Variants in SUSD4 observed in about 807,000 individuals in gnomAD.
The protein encoded by SUSD4 is sushi domain-containing protein 4.
A neutral mutation model predicts 50.5 loss-of-function variants in SUSD4; 41 were observed. The ratio of observed to expected loss-of-function variants is 0.81; its 90% CI spans 0.63 to 1.05. The LOEUF is 1.05. Among genes scored for constraint, SUSD4 ranks in the 50% least tolerant of loss-of-function variants. The pLI is 0.00. For missense variants in SUSD4, 580 were observed against 634.7 expected, an observed-to-expected ratio of 0.91 and a Z score of 0.93; for synonymous variants, 257 against 257.3, an observed-to-expected ratio of 1.00 and a Z score of 0.01.
intron 5 of SUSD4, among the ~76,000 whole-genome samples, chr1:223,254,116 C>T (rs77408764): frequency 0.064 from 9,821 of 152,274 alleles, 424 homozygotes; most frequent in East Asian, 0.15. Context: ...ATGCAAGCCC[C>T]GGGACAGGCG....
chr1:223,310,192 G>C (rs958037174), intron 2 of SUSD4, among the ~76,000 whole-genome samples: 1 of 152,180 alleles, frequency 6.6e-6, no homozygotes, highest in Admixed American at 6.5e-5. Context: ...TGTGGATGCT[G>C]CTCTGTGTGG....
chr1:223,310,081 A>G (rs1479451616), intron 2 of SUSD4, among the ~76,000 whole-genome samples: 1 of 152,110 alleles, frequency 6.6e-6, no homozygotes, highest in Non-Finnish European at 1.5e-5. Flanking sequence ...GGGGCTGCTC[A>G]TTTTATCTTT....
chr1:223,292,522 C>T lies in SUSD4; in HGVS notation c.278G>A (p.Gly93Asp). Reference sequence around the variant, plus strand: ...CTTCAAACACAGTCTCTTTGTAGCGCCCTTCAGCTTGAATCCGTCTTGGCA... The same window carrying T: ...CTTCAAACACAGTCTCTTTGTAGCGTCCTTCAGCTTGAATCCGTCTTGGCA... ...FHCQDGFKLK[G>D]ATKRLCLKHF... The change falls in exon 3 of 9, where the codon GGC (glycine) becomes GAC (aspartate). Residue 93 changes from glycine (G) to aspartate (D), a missense_variant. Transcript: ENST00000366878. 6.2e-7 allele frequency: 1 copy of T among 1,614,164 alleles called. No homozygotes were observed. The highest frequency in any genetic ancestry group is 8.5e-7 in the Non-Finnish European group (1 of 1,180,014).
rs1378011665 is a variant in SUSD4 at position 223,231,482 on chromosome 1, C to T, written c.725-2094G>A. Among the ~76,000 whole-genome samples the T allele has an allele frequency of 6.6e-6, 1 of 152,176 alleles. No individual in the cohort carries two copies. Among genetic ancestry groups the T allele is most frequent in the Non-Finnish European group, 1.5e-5 (1 of 68,018 alleles). On this transcript the variant is annotated intron_variant, in intron 5 of 8. Coordinates refer to ENST00000366878, the MANE Select transcript of SUSD4 (RefSeq NM_017982.4). This position sits in a 1 kb window ranked among gnomAD's most constrained non-coding sequence, Gnocchi z 4.2. ...CCAGGAGCTTTCTGCTGCTCTGCCT[C>T]AGGGTCTCTCCTGGGCTGGCAAATG...
At chr1:223,351,859 C>A (rs1374474639) in intron 2 of SUSD4, among the ~76,000 whole-genome samples, 1 of 152,042 alleles carries the variant, frequency 6.6e-6, no homozygotes, top group Non-Finnish European at 1.5e-5. Context: ...GTCCAGGAAG[C>A]AATGGGCTGG....
At chr1:223,355,263 G>A (rs1429977176) in intron 2 of SUSD4, among the ~76,000 whole-genome samples, 1 of 151,996 alleles carries the variant, frequency 6.6e-6, no homozygotes, top group Admixed American at 6.6e-5. Context: ...TAGTAGAGAT[G>A]GGGTTTTGCC....
intron 3 of SUSD4, among the ~76,000 whole-genome samples, chr1:223,275,187 G>A (rs373493001): frequency 1.3e-4 from 20 of 152,218 alleles, no homozygotes; most frequent in African/African-American, 3.4e-4. Context: ...AACATATTGG[G>A]GGTGGTGCTG....
chr1:223,325,387 A>G (rs1572064739), intron 2 of SUSD4, among the ~76,000 whole-genome samples: 1 of 152,344 alleles, frequency 6.6e-6, no homozygotes, highest in Non-Finnish European at 1.5e-5. Flanking sequence ...ATTCTACCAA[A>G]TTCCAAGGAA....
chr1:223,274,992 G>A (rs1290044714), intron 3 of SUSD4, among the ~76,000 whole-genome samples: 2 of 152,154 alleles, frequency 1.3e-5, no homozygotes, highest in Admixed American at 1.3e-4. Flanking sequence ...GTTCAGTGCT[G>A]TGTACACTGC....
chr1:223,223,709 C>T, intron 7 of SUSD4, 78 bp from the exon 8 acceptor site: 1 of 1,473,190 alleles, frequency 6.8e-7, no homozygotes, highest in Non-Finnish European at 9.0e-7. Context: ...CCCTCCTGCA[C>T]TCGGGGTCCT....
chr1:223,324,276 C>A (rs933608759), intron 2 of SUSD4, among the ~76,000 whole-genome samples: 1 of 150,940 alleles, frequency 6.6e-6, no homozygotes, highest in African/African-American at 2.4e-5. Context: ...GAAAACAAAA[C>A]ACAGAATCAA....
chr1:223,275,567 T>G (rs904601434), intron 3 of SUSD4, among the ~76,000 whole-genome samples: 2 of 152,160 alleles, frequency 1.3e-5, no homozygotes, highest in South Asian at 2.1e-4. Context: ...GCTCATAGAG[T>G]GCACATGGTA....
intron 5 of SUSD4, among the ~76,000 whole-genome samples, chr1:223,239,037 T>A (rs1660400911): frequency 6.6e-6 from 1 of 152,028 alleles, no homozygotes; most frequent in Non-Finnish European, 1.5e-5. Context: ...CATTAAGGAC[T>A]GTTAGGTATT....
chr1:223,319,927 C>A (rs1282156679), intron 2 of SUSD4, among the ~76,000 whole-genome samples: 2 of 152,178 alleles, frequency 1.3e-5, no homozygotes, highest in African/African-American at 4.8e-5. Context: ...CAAATCCAGT[C>A]GTACCACTTA....
chr1:223,276,287 G>A lies in SUSD4; in HGVS notation c.362-7612C>T, dbSNP rs1184839067. Among the ~76,000 whole-genome samples, 3 of 152,218 alleles carry A rather than the reference G, an allele frequency of 2.0e-5. No homozygotes were observed. The East Asian group carries it at 5.8e-4, about 29-fold the overall frequency. Reference sequence around the variant, plus strand: ...GATCTGTGTATGTGCTGATGATGTTGTTGTTCTCCATTTGCCTGACAATTC... The same window carrying A: ...GATCTGTGTATGTGCTGATGATGTTATTGTTCTCCATTTGCCTGACAATTC... On this transcript the variant is annotated intron_variant, in intron 3 of 8. Coordinates refer to ENST00000366878, the MANE Select transcript of SUSD4 (RefSeq NM_017982.4).
At chr1:223,275,760 T>A (rs770073813) in intron 3 of SUSD4, among the ~76,000 whole-genome samples, 1 of 151,774 alleles carries the variant, frequency 6.6e-6, no homozygotes, top group Non-Finnish European at 1.5e-5. Flanking sequence ...AACCACCATG[T>A]GATGGGCTAT....
chr1:223,265,303 A>G (rs759750299), intron 4 of SUSD4, among the ~76,000 whole-genome samples: 5 of 152,204 alleles, frequency 3.3e-5, no homozygotes, highest in Non-Finnish European at 7.3e-5. Flanking sequence ...ATTCCACTAT[A>G]GTGGATTTGG....
At chr1:223,246,980 A>G (rs1660980553) in intron 5 of SUSD4, among the ~76,000 whole-genome samples, 1 of 152,338 alleles carries the variant, frequency 6.6e-6, no homozygotes, top group Admixed American at 6.5e-5. Flanking sequence ...TGTACAATGA[A>G]TGAATACTAA....
intron 2 of SUSD4, among the ~76,000 whole-genome samples, chr1:223,326,883 T>C (rs977291382): frequency 2.0e-5 from 3 of 152,232 alleles, no homozygotes; most frequent in South Asian, 2.1e-4. Flanking sequence ...GGGAATGACA[T>C]ACTGCTAGTG....
Sources: gnomAD v4.1 joint callset for allele counts (sites outside exome capture counted in the v4.1 genomes callset) on GRCh38, gnomAD v4.1.1 for gene constraint, Gnocchi (gnomAD v3.1) non-coding constraint, MANE v1.5 for transcripts, NCBI Gene and HGNC (gene_info 2026-07-23, HGNC 2026-07-21) for gene names.